Variants in SPATA17 observed in about 807,000 individuals in gnomAD.
The protein encoded by SPATA17 is spermatogenesis-associated protein 17.
A neutral mutation model predicts 62.2 loss-of-function variants in SPATA17; 53 were observed. That is an observed-to-expected ratio of 0.85 (90% confidence interval 0.68 to 1.07). The LOEUF is 1.07. SPATA17 is among the 50% of genes least tolerant of loss of function. SPATA17 has a pLI of 0.00. For synonymous variants in SPATA17, 146 were observed against 146.8 expected, an observed-to-expected ratio of 0.99 and a Z score of 0.04; for missense variants, 466 against 425.5, an observed-to-expected ratio of 1.10 and a Z score of -0.84.
chr1:217,675,834 T>C (rs1263127074), intron 4 of SPATA17, among the ~76,000 whole-genome samples: 2 of 152,154 alleles, frequency 1.3e-5, no homozygotes, highest in Non-Finnish European at 2.9e-5. Flanking sequence ...GTGTTAGACA[T>C]TGAACCCAGG....
At position 217,698,685 on chromosome 1, in the gene SPATA17, A is replaced by C. The variant is rs1180078472; in HGVS notation, c.395+15324A>C. Among the ~76,000 whole-genome samples the C allele has an allele frequency of 2.0e-5, 3 of 152,124 alleles. No homozygotes were observed. In the East Asian group the frequency reaches 5.8e-4, roughly 29 times the overall value. On this transcript the variant is annotated intron_variant, in intron 5 of 10. Coordinates refer to ENST00000366933, the MANE Select transcript of SPATA17 (RefSeq NM_138796.4). ...GATGTTGACCTTGATACAAGCCATCAGTCTTATTCGGGTTTTCCCAAATTT... is the reference window on the plus strand; with the variant it reads ...GATGTTGACCTTGATACAAGCCATCCGTCTTATTCGGGTTTTCCCAAATTT...
intron 3 of SPATA17, chr1:217,665,401 G>A (rs1670674366): frequency 6.6e-6 from 1 of 152,098 alleles, no homozygotes; most frequent in African/African-American, 2.4e-5. Flanking sequence ...GTTGATAAAA[G>A]CAATACTTTA....
chr1:217,704,349 C>CA (rs1441056970), intron 5 of SPATA17, among the ~76,000 whole-genome samples: 6 of 145,262 alleles, frequency 4.1e-5, no homozygotes, highest in African/African-American at 1.5e-4. Context: ...TTCCCGGGTT[C>CA]ACGCCATTCT....
chr1:217,744,857 A>G (rs973335541), intron 6 of SPATA17, among the ~76,000 whole-genome samples: 2 of 152,176 alleles, frequency 1.3e-5, no homozygotes, highest in African/African-American at 4.8e-5. Context: ...TTGTGGGATA[A>G]TGAAACCCAC....
At chr1:217,847,749 A>G (rs1209261436) in intron 9 of SPATA17, among the ~76,000 whole-genome samples, 1 of 152,162 alleles carries the variant, frequency 6.6e-6, no homozygotes, top group Non-Finnish European at 1.5e-5. Context: ...TGTATAAATG[A>G]CATTAAAAAT....
intron 9 of SPATA17, among the ~76,000 whole-genome samples, chr1:217,833,451 G>A (rs1449467248): frequency 6.6e-6 from 1 of 152,150 alleles, no homozygotes; most frequent in Non-Finnish European, 1.5e-5. Context: ...CAGATATTAC[G>A]AGTGCATGCC....
chr1:217,753,389 A>G (rs1672961900), intron 6 of SPATA17, among the ~76,000 whole-genome samples: 2 of 152,190 alleles, frequency 1.3e-5, no homozygotes, highest in Admixed American at 1.3e-4. Context: ...GCCTTCAGAC[A>G]ATTAAGTAAA....
intron 9 of SPATA17, among the ~76,000 whole-genome samples, chr1:217,815,851 C>T (rs949274723): frequency 1.3e-5 from 2 of 152,128 alleles, no homozygotes; most frequent in African/African-American, 4.8e-5. Flanking sequence ...TCCAAAATTG[C>T]GTAAGCCAGT....
At chr1:217,749,981 C>A (rs373758698) in intron 6 of SPATA17, among the ~76,000 whole-genome samples, 5,048 of 25,464 alleles carry the variant, frequency 0.2, 260 homozygotes, top group Non-Finnish European at 0.24. Flanking sequence ...CTCTCTCTCT[C>A]TCTCTATATA....
rs1006097737 is a variant in SPATA17 at position 217,850,036 on chromosome 1, AT to A, written c.1006-12737del. On this transcript the variant is annotated intron_variant, in intron 9 of 10. Transcript: ENST00000366933. ...CGCTGCTGTCTGCTGGTTTCACTGA[AT>A]ATGTAGCTTACTGGATGTTTACAAT... is the stretch of plus-strand genomic sequence containing the variant. Among the ~76,000 whole-genome samples the A allele has an allele frequency of 8.5e-5, 13 of 152,166 alleles. 1 individual carries two copies. The highest frequency in any genetic ancestry group is 2.9e-4 in the African/African-American group (12 of 41,530).
intron 6 of SPATA17, among the ~76,000 whole-genome samples, chr1:217,772,723 T>C (rs1028428945): frequency 1.6e-4 from 25 of 152,160 alleles, no homozygotes; most frequent in Non-Finnish European, 1.0e-4. Flanking sequence ...ATTTATTGAG[T>C]GCCTACTAAG....
At chr1:217,787,029 C>G (rs564392648) in intron 8 of SPATA17, among the ~76,000 whole-genome samples, 9 of 152,192 alleles carry the variant, frequency 5.9e-5, no homozygotes, top group African/African-American at 1.9e-4. Context: ...GCATCACCAA[C>G]TATCTGCACA....
intron 9 of SPATA17, among the ~76,000 whole-genome samples, chr1:217,844,124 G>T (rs2103008252): frequency 6.6e-6 from 1 of 152,228 alleles, no homozygotes; most frequent in East Asian, 1.9e-4. Flanking sequence ...CTAGGTCAGA[G>T]ATTTTATCCC....
chr1:217,723,879 C>A lies in SPATA17; in HGVS notation c.396-18096C>A, dbSNP rs569717633. Among the ~76,000 whole-genome samples, 4 of 152,318 alleles carry A rather than the reference C, an allele frequency of 2.6e-5. No homozygotes were observed. In the South Asian group the frequency reaches 8.3e-4, roughly 32 times the overall value. ...CCCAGGCAATCACCACAGTACTAAG[C>A]AGACACTTCCTCTCTGCATTAGCCT... On this transcript the variant is annotated intron_variant, in intron 5 of 10. Coordinates refer to ENST00000366933, the MANE Select transcript of SPATA17 (RefSeq NM_138796.4).
At chr1:217,716,438 T>G (rs2102930621) in intron 5 of SPATA17, among the ~76,000 whole-genome samples, 1 of 152,308 alleles carries the variant, frequency 6.6e-6, no homozygotes, top group East Asian at 1.9e-4. Context: ...TTCACCAACT[T>G]AATTTTAAAG....
At chr1:217,692,498 G>T (rs1671364345) in intron 5 of SPATA17, among the ~76,000 whole-genome samples, 1 of 45,610 alleles carries the variant, frequency 2.2e-5, no homozygotes, top group Non-Finnish European at 4.0e-5. Flanking sequence ...TCTCCTGCCT[G>T]ATTGCCCTGG....
intron 7 of SPATA17, among the ~76,000 whole-genome samples, chr1:217,775,793 A>T (rs1203321486): frequency 1.3e-5 from 2 of 152,048 alleles, no homozygotes; most frequent in African/African-American, 4.8e-5. Context: ...TATTTTTTGC[A>T]ACTCTAATTT....
intron 3 of SPATA17, among the ~76,000 whole-genome samples, chr1:217,660,546 T>C (rs1390973790): frequency 6.6e-6 from 1 of 152,206 alleles, no homozygotes; most frequent in Non-Finnish European, 1.5e-5. Context: ...TCTCCCCTTC[T>C]TCATAAAAAG....
chr1:217,717,741 A>AGAATATTG (rs1672040949), intron 5 of SPATA17, among the ~76,000 whole-genome samples: 1 of 152,266 alleles, frequency 6.6e-6, no homozygotes, highest in East Asian at 1.9e-4. Context: ...GGCGCTTTTA[A>AGAATATTG]GAATATTGGT....
Sources: gnomAD v4.1 joint callset for allele counts (sites outside exome capture counted in the v4.1 genomes callset) on GRCh38, gnomAD v4.1.1 for gene constraint, MANE v1.5 for transcripts, NCBI Gene and HGNC (gene_info 2026-07-23, HGNC 2026-07-21) for gene names.